Variants in TRAPPC12 observed in about 807,000 individuals in gnomAD.
The protein encoded by TRAPPC12 is trafficking protein particle complex subunit 12, also known as TPR repeat protein 15.
A neutral mutation model predicts 69.2 loss-of-function variants in TRAPPC12; 61 were observed. The observed-to-expected ratio is 0.88, with a 90% confidence interval of 0.72 to 1.09. TRAPPC12 has a LOEUF of 1.09. Among genes scored for constraint, TRAPPC12 ranks in the 50% least tolerant of loss-of-function variants. The pLI, the probability that TRAPPC12 is intolerant of heterozygous loss-of-function variation, is 0.00. For synonymous variants in TRAPPC12, 469 were observed against 438.9 expected (o/e 1.07, Z -0.86); for missense variants, 1,101 against 1,016.4 (o/e 1.08, Z -1.13).
chr2:3,395,077 C>T (rs1661048418), intron 2 of TRAPPC12, among the ~76,000 whole-genome samples: 1 of 152,160 alleles, frequency 6.6e-6, no homozygotes, highest in African/African-American at 2.4e-5. Flanking sequence ...GATAAATGTG[C>T]ATTTAGCTCT....
intron 4 of TRAPPC12, among the ~76,000 whole-genome samples, chr2:3,422,209 G>A (rs188468079): frequency 2.0e-5 from 3 of 152,292 alleles, no homozygotes; most frequent in Admixed American, 2.0e-4. Flanking sequence ...GCTCACAAGT[G>A]CCCACACTCA....
intron 6 of TRAPPC12, chr2:3,456,083 C>T (rs1333633688): frequency 6.6e-6 from 1 of 152,160 alleles, no homozygotes; most frequent in Non-Finnish European, 1.5e-5. Flanking sequence ...TGAAGAATGT[C>T]GTTTTACCTA....
intron 3 of TRAPPC12, among the ~76,000 whole-genome samples, chr2:3,408,739 G>T (rs1054226853): frequency 1.3e-5 from 2 of 152,212 alleles, no homozygotes; most frequent in African/African-American, 4.8e-5. Flanking sequence ...GTACATGTGT[G>T]TAAAAAGACA....
intron 5 of TRAPPC12, among the ~76,000 whole-genome samples, chr2:3,428,869 A>G (rs1375764592): frequency 6.6e-6 from 1 of 152,178 alleles, no homozygotes; most frequent in Non-Finnish European, 1.5e-5. Context: ...CCCAGGTAGC[A>G]CTGACTCTGA....
chr2:3,405,180 G>A (rs950468020), intron 3 of TRAPPC12, among the ~76,000 whole-genome samples: 1 of 149,330 alleles, frequency 6.7e-6, no homozygotes, highest in African/African-American at 2.5e-5. Context: ...CTTTTTTTGG[G>A]GGGGTGGGGG....
At chr2:3,463,960 G>C (rs1665653822) in intron 8 of TRAPPC12, among the ~76,000 whole-genome samples, 1 of 152,266 alleles carries the variant, frequency 6.6e-6, no homozygotes, top group South Asian at 2.1e-4. Context: ...TGCAGCCTCT[G>C]TTGGAAAGCA....
intron 6 of TRAPPC12, among the ~76,000 whole-genome samples, chr2:3,449,650 T>C (rs1026897109): frequency 2.6e-5 from 4 of 152,210 alleles, no homozygotes; most frequent in Non-Finnish European, 5.9e-5. Flanking sequence ...AGTTTTGCTG[T>C]CTTATTTGTT....
rs751185899 is a variant in TRAPPC12, at chr2:3,384,965, C to T, written c.-4-2655C>T. ...TCTCGTCATATATACATGGTTATTA[C>T]TAGTGTCTGCTTTGCATTTGAACCT... is the stretch of plus-strand genomic sequence containing the variant. On this transcript the variant is annotated intron_variant, in intron 1 of 11. Transcript: ENST00000324266. Among the ~76,000 whole-genome samples the T allele has an allele frequency of 4.3e-4, 66 of 152,198 alleles. 1 individual carries two copies. The highest frequency in any genetic ancestry group is 1.2e-3 in the South Asian group (6 of 4,826).
At chr2:3,439,584 C>G (rs1274703216) in intron 5 of TRAPPC12, among the ~76,000 whole-genome samples, 2 of 151,778 alleles carry the variant, frequency 1.3e-5, no homozygotes, top group African/African-American at 4.8e-5. Flanking sequence ...ATGTTGAATA[C>G]AAGTTCTTTA....
In TRAPPC12 at chr2:3,414,602, C is replaced by T. The variant is rs965681252; in HGVS notation, c.1165-7279C>T. 9.9e-5 allele frequency among the ~76,000 whole-genome samples: 15 copies of T among 151,868 alleles called. No individual in the cohort carries two copies. Among genetic ancestry groups the T allele is most frequent in the African/African-American group, 3.4e-4 (14 of 41,306 alleles). ...GAACGTGCTCTGCCGTGTGTCGGCC[C>T]GTTTCCTGAATCCTCAGGCATCAGT... On this transcript the variant is annotated intron_variant, in intron 3 of 11. Coordinates refer to ENST00000324266, the MANE Select transcript of TRAPPC12 (RefSeq NM_016030.6). The surrounding 1 kb of genome is among the most constrained non-coding windows in gnomAD (Gnocchi z 4.9).
At chr2:3,450,664 G>GCTGTGGTGGGA (rs1664805719) in intron 6 of TRAPPC12, among the ~76,000 whole-genome samples, 1 of 152,184 alleles carries the variant, frequency 6.6e-6, no homozygotes, top group Non-Finnish European at 1.5e-5. Context: ...TTACTTTGAA[G>GCTGTGGTGGGA]AGGTCCCCTG....
At chr2:3,478,126 TGTCTGG>T (rs1156258889) in intron 10 of TRAPPC12, 1 of 62,418 alleles carries the variant, frequency 1.6e-5, no homozygotes, top group African/African-American at 1.2e-4. Flanking sequence ...TGGTGTTCTG[TGTCTGG>T]ATCCCGTGCT....
chr2:3,442,781 C>T (rs1664290543), intron 5 of TRAPPC12, among the ~76,000 whole-genome samples: 1 of 152,186 alleles, frequency 6.6e-6, no homozygotes, highest in Admixed American at 6.5e-5. Flanking sequence ...CAGATGGATG[C>T]ATTGAGGCAC....
At chr2:3,421,803 A>G in intron 3 of TRAPPC12, 78 bp from the exon 4 acceptor site, 1 of 1,300,330 alleles carries the variant, frequency 7.7e-7, no homozygotes, top group Non-Finnish European at 1.1e-6. Flanking sequence ...AGCTGTGGCC[A>G]GTGGCTATGC....
Position 3,458,308 on chromosome 2 carries a change from C to T in TRAPPC12, c.1603+615C>T, listed in dbSNP as rs1165837995. 8.1e-6 allele frequency: 8 copies of T among 986,530 alleles called. No individual in the cohort carries two copies. In the African/African-American group the frequency reaches 1.2e-4, roughly 15 times the overall value. The allele number at this position is 986,530 out of a possible 1,614,324, so 61.1% of individuals were successfully genotyped here. A position where few individuals can be genotyped will look rare whatever the true frequency, so the allele number is the denominator to read the frequency against. On this transcript the variant is annotated intron_variant, in intron 7 of 11. Transcript: ENST00000324266. ...GCTTGGAAACCTGGCCTGAGTGCTC[C>T]CTCCCAGGTAGCCCCACCCTAGCCT...
intron 6 of TRAPPC12, among the ~76,000 whole-genome samples, chr2:3,446,066 GGCT>G: frequency 6.6e-6 from 1 of 152,358 alleles, no homozygotes; most frequent in African/African-American, 2.4e-5. Flanking sequence ...GTTTCTCTCA[GGCT>G]GACTGGGCGT....
At chr2:3,399,809 C>A (rs987189784) in intron 2 of TRAPPC12, among the ~76,000 whole-genome samples, 2 of 138,944 alleles carry the variant, frequency 1.4e-5, no homozygotes. Context: ...TTCCCCCGCT[C>A]CCCCCGCCAC....
intron 5 of TRAPPC12, among the ~76,000 whole-genome samples, chr2:3,431,996 G>A (rs974198002): frequency 2.0e-5 from 3 of 152,204 alleles, no homozygotes; most frequent in African/African-American, 7.2e-5. Flanking sequence ...ATGGCAGTGA[G>A]CATGTAAACT....
At chr2:3,399,897 CACG>C in intron 2 of TRAPPC12, among the ~76,000 whole-genome samples, 1 of 148,482 alleles carries the variant, frequency 6.7e-6, no homozygotes, top group African/African-American at 2.5e-5. Context: ...AGGCAGGGGG[CACG>C]CAGGCTTCTC....
Sources: gnomAD v4.1 joint callset for allele counts (sites outside exome capture counted in the v4.1 genomes callset) on GRCh38, gnomAD v4.1.1 for gene constraint, Gnocchi (gnomAD v3.1) non-coding constraint, MANE v1.5 for transcripts, NCBI Gene and HGNC (gene_info 2026-07-23, HGNC 2026-07-21) for gene names.